The following RGL1 variants were observed in gnomAD, a reference collection of about 807,000 sequenced individuals.
RGL1 encodes the protein ral guanine nucleotide dissociation stimulator like 1, also known as ral guanine nucleotide dissociation stimulator-like 1.
Under a neutral mutation model 95.2 loss-of-function variants are expected in RGL1, and 24 were observed. The ratio of observed to expected loss-of-function variants is 0.25; its 90% confidence interval spans 0.18 to 0.35. RGL1 has a LOEUF of 0.35. Among genes scored for constraint, RGL1 ranks in the 10% least tolerant of loss-of-function variants. The probability of loss-of-function intolerance (pLI) is 1.00; values close to 1 mark genes in which losing one functional copy is unlikely to be tolerated. For synonymous variants in RGL1, 329 were observed against 344.9 expected, an observed-to-expected ratio of 0.95 and a Z score of 0.51; for missense variants, 715 against 936.3, an observed-to-expected ratio of 0.76 and a Z score of 3.08.
Position 183,656,143 on chromosome 1 carries a change from C to G in RGL1, c.-33+19642C>G, listed in dbSNP as rs1651148074. On this transcript the variant is annotated intron_variant, in intron 1 of 18. Transcript: ENST00000304685. Reference sequence around the variant, plus strand: ...TTTTTTCTCATGAAAACAGGAGATTCCGGCACAAGGAAGTCCCCTTGGCTC... The same window carrying G: ...TTTTTTCTCATGAAAACAGGAGATTGCGGCACAAGGAAGTCCCCTTGGCTC... 2.8e-5 allele frequency among the ~76,000 whole-genome samples: 4 copies of G among 144,772 alleles called. No individual in the cohort carries two copies. The South Asian group carries it at 8.6e-4, about 31-fold the overall frequency. 95.0% of individuals were successfully genotyped at this position (144,772 alleles called of 152,430 possible).
At chr1:183,663,261 C>G (rs1161906812) in intron 1 of RGL1, among the ~76,000 whole-genome samples, 4 of 151,864 alleles carry the variant, frequency 2.6e-5, no homozygotes, top group Admixed American at 2.6e-4. Flanking sequence ...AAACTACCAT[C>G]AGAGTGAACA....
chr1:183,744,702 T>A (rs1657516062), intron 2 of RGL1, among the ~76,000 whole-genome samples: 1 of 152,230 alleles, frequency 6.6e-6, no homozygotes. Flanking sequence ...CTTGTTTTTT[T>A]GTTTCTATTT....
At chr1:183,885,150 G>GA (rs1479147382) in intron 7 of RGL1, among the ~76,000 whole-genome samples, 1 of 152,056 alleles carries the variant, frequency 6.6e-6, no homozygotes, top group African/African-American at 2.4e-5. Context: ...TAAAAAATTG[G>GA]ACCCCTGCTC....
In RGL1 at chr1:183,923,913, C is replaced by T. The variant is rs1669461405; in HGVS notation, c.2119+1577C>T. On this transcript the variant is annotated intron_variant, in intron 17 of 17. Coordinates refer to ENST00000360851, the MANE Select transcript of RGL1 (RefSeq NM_001297671.3). ...AAGTTAACTTAAGACTCAATTTGTC[C>T]AGTTTTACAACCATATGCCTCTCTG... Among the ~76,000 whole-genome samples, 3 of 152,284 alleles carry T rather than the reference C, an allele frequency of 2.0e-5. No homozygotes were observed. The South Asian group carries it at 6.2e-4, about 32-fold the overall frequency.
chr1:183,683,658 T>C (rs929473030), intron 1 of RGL1, among the ~76,000 whole-genome samples: 3 of 152,222 alleles, frequency 2.0e-5, no homozygotes, highest in African/African-American at 7.2e-5. Flanking sequence ...GTTGCTCTTC[T>C]CGAGGAGTGT....
chr1:183,772,206 T>C (rs1226396094), intron 2 of RGL1, among the ~76,000 whole-genome samples: 1 of 152,148 alleles, frequency 6.6e-6, no homozygotes, highest in African/African-American at 2.4e-5. Context: ...TGTGACAAGG[T>C]GGAGGGTCTG....
Position 183,907,082 on chromosome 1 carries a change from A to G in RGL1, c.1543A>G (p.Met515Val), listed in dbSNP as rs1470507398. 1.2e-6 allele frequency: 2 copies of G among 1,609,892 alleles called. No homozygotes were observed. Among genetic ancestry groups the G allele is most frequent in the Admixed American group, 3.3e-5 (2 of 59,840 alleles). ...STTSPKPRKS[M>V]VKRLSLLFLG... ...CACCTCGCCCAAGCCTCGGAAGAGC[A>G]TGGTGAAGAGACTCAGCCTGTGAGT... The change falls in exon 14 of 18, where the codon ATG becomes GTG. Residue 515 changes from methionine to valine, a missense_variant. Coordinates refer to ENST00000360851, the MANE Select transcript of RGL1 (RefSeq NM_001297671.3).
chr1:183,755,950 C>T (rs376704339), intron 2 of RGL1, among the ~76,000 whole-genome samples: 114 of 150,628 alleles, frequency 7.6e-4, no homozygotes, highest in African/African-American at 2.8e-3. Context: ...ATGGCGCAAT[C>T]TCGGCTCACT....
chr1:183,751,147 C>A (rs1014102119), intron 2 of RGL1, among the ~76,000 whole-genome samples: 30 of 152,160 alleles, frequency 2.0e-4, no homozygotes, highest in African/African-American at 7.2e-4. Context: ...TTAAGTCTGC[C>A]GAAGCTGCAC....
chr1:183,805,971 C>CTT (rs751229707), intron 1 of RGL1, among the ~76,000 whole-genome samples: 8 of 74,636 alleles, frequency 1.1e-4, no homozygotes, highest in Admixed American at 4.7e-4. Context: ...CTTTTCTTTT[C>CTT]TTTTTTTTTT....
chr1:183,920,850 G>T (rs567716978), intron 16 of RGL1, among the ~76,000 whole-genome samples: 2 of 152,196 alleles, frequency 1.3e-5, no homozygotes, highest in Non-Finnish European at 2.9e-5. Context: ...AATGCACATT[G>T]TTTATGGAAT....
intron 1 of RGL1, among the ~76,000 whole-genome samples, chr1:183,668,657 C>A (rs904407041): frequency 6.6e-6 from 1 of 151,846 alleles, no homozygotes; most frequent in Non-Finnish European, 1.5e-5. Context: ...ATATCTATGC[C>A]TAAGCATAGT....
At chr1:183,791,715 A>C (rs1660449097) in intron 2 of RGL1, among the ~76,000 whole-genome samples, 1 of 152,242 alleles carries the variant, frequency 6.6e-6, no homozygotes, top group East Asian at 1.9e-4. Context: ...TGTGGAAGGT[A>C]AATCTCCTGT....
intron 1 of RGL1, among the ~76,000 whole-genome samples, chr1:183,714,148 G>C (rs1655474646): frequency 6.6e-6 from 1 of 152,208 alleles, no homozygotes; most frequent in African/African-American, 2.4e-5. Flanking sequence ...CACATGTCAT[G>C]GGTGGGGAAG....
intron 1 of RGL1, among the ~76,000 whole-genome samples, chr1:183,718,915 A>AAAAAC (rs1036344804): frequency 6.6e-6 from 1 of 152,178 alleles, no homozygotes; most frequent in African/African-American, 2.4e-5. Context: ...TCTGTCTAAA[A>AAAAAC]AAAACAAAAC....
intron 2 of RGL1, among the ~76,000 whole-genome samples, chr1:183,747,631 T>G (rs762842625): frequency 1.3e-5 from 2 of 152,210 alleles, no homozygotes; most frequent in Non-Finnish European, 2.9e-5. Flanking sequence ...GCAGAAGCTC[T>G]ACATTTATTG....
chr1:183,876,622 G>A (rs1360087575), intron 4 of RGL1, among the ~76,000 whole-genome samples: 1 of 152,232 alleles, frequency 6.6e-6, no homozygotes, highest in African/African-American at 2.4e-5. Context: ...GCCTTTACAA[G>A]TTATTCAAGA....
At chr1:183,774,543 C>T (rs1183475608) in intron 2 of RGL1, among the ~76,000 whole-genome samples, 1 of 148,540 alleles carries the variant, frequency 6.7e-6, no homozygotes, top group African/African-American at 2.5e-5. Context: ...GGTCTTAAAG[C>T]TTGAAACTTA....
upstream of RGL1, among the ~76,000 whole-genome samples, chr1:183,801,840 C>T (rs1405640067): frequency 6.6e-6 from 1 of 152,086 alleles, no homozygotes; most frequent in Non-Finnish European, 1.5e-5. Flanking sequence ...GGGTCATACT[C>T]CTTGTAACAA....
Sources: gnomAD v4.1 joint callset for allele counts (sites outside exome capture counted in the v4.1 genomes callset) on GRCh38, gnomAD v4.1.1 for gene constraint, MANE v1.5 for transcripts, NCBI Gene and HGNC (gene_info 2026-07-23, HGNC 2026-07-21) for gene names.